MGRN1: variants seen among roughly 807,000 people sequenced by gnomAD.
MGRN1 encodes the protein mahogunin ring finger 1, also known as E3 ubiquitin-protein ligase MGRN1.
MGRN1 carries 29 observed loss-of-function variants against 69.2 expected under a neutral mutation model. The observed-to-expected ratio is 0.42, with a 90% confidence interval of 0.31 to 0.57. The LOEUF (loss-of-function observed/expected upper bound fraction) is 0.57, where lower values mean the gene tolerates loss of function less well. Among genes scored for constraint, MGRN1 ranks in the 20% least tolerant of loss-of-function variants. The pLI is 0.15. For synonymous variants in MGRN1, 470 were observed against 344.2 expected (o/e 1.37, Z -4.04); for missense variants, 998 against 796.2 (o/e 1.25, Z -3.05).
intron 7 of MGRN1, among the ~76,000 whole-genome samples, chr16:4,665,573 T>A (rs763965743): frequency 6.6e-6 from 1 of 151,898 alleles, no homozygotes; most frequent in Non-Finnish European, 1.5e-5. Flanking sequence ...TTCATCATGT[T>A]GGCCAGACTG....
At position 4,677,468 on chromosome 16, in the gene MGRN1, C is replaced by T. The variant is rs761920721; in HGVS notation, c.961C>T (p.Arg321Trp). 4.5e-6 allele frequency: 7 copies of T among 1,555,450 alleles called. No homozygotes were observed. The highest frequency in any genetic ancestry group is 1.2e-5 in the South Asian group (1 of 86,800). The change falls in exon 11 of 17, where the codon CGG becomes TGG. Residue 321 changes from arginine to tryptophan, a missense_variant. Arg to Trp is a moderately radical substitution (Grantham distance 101). Transcript: ENST00000262370. ...GAGCCCTCCTTCTGCCGCAGCTTTC[C>T]GGGCCCTCCTGCAGATCCGGGCGGT... ...NNCPICRLPF[R>W]ALLQIRAVRK...
Position 4,624,933 on chromosome 16 carries a change from G to A in MGRN1, c.-28G>A. On this transcript the variant is annotated 5_prime_UTR_variant, in exon 1 of 17. Coordinates refer to ENST00000262370, the MANE Select transcript of MGRN1 (RefSeq NM_015246.4). ...TGTCGCCGCTCCCGTTCCGGCCCTG[G>A]CCCCTCTGCCCGGCAGCGCCGCGCA... 1 of 1,514,252 alleles carries A rather than the reference G, an allele frequency of 6.6e-7. No individual in the cohort carries two copies. The allele number at this position is 1,514,252 out of a possible 1,614,324, so 93.8% of individuals were successfully genotyped here.
intron 8 of MGRN1, 67 bp downstream of exon 8, chr16:4,668,379 A>G (rs1461178291): frequency 7.2e-6 from 11 of 1,524,798 alleles, no homozygotes; most frequent in Admixed American, 1.7e-5. Flanking sequence ...ACTCACACGC[A>G]TACTCATACA....
At chr16:4,672,992 C>T (rs569056568) in intron 9 of MGRN1, among the ~76,000 whole-genome samples, 7 of 152,138 alleles carry the variant, frequency 4.6e-5, no homozygotes, top group Admixed American at 6.5e-5. Flanking sequence ...GCACGTGCCA[C>T]CATGCCCGGC....
chr16:4,688,319 C>T (rs1596324225), intron 16 of MGRN1: 5 of 987,822 alleles, frequency 5.1e-6, no homozygotes, highest in Non-Finnish European at 6.0e-6. Flanking sequence ...AGGCTCCTCT[C>T]TTTGCCTTGC....
At chr16:4,655,170 G>T (rs994554506) in intron 4 of MGRN1, among the ~76,000 whole-genome samples, 1 of 152,180 alleles carries the variant, frequency 6.6e-6, no homozygotes, top group African/African-American at 2.4e-5. Context: ...GTGGCGAGGT[G>T]TCCAGGGGCT....
intron 7 of MGRN1, among the ~76,000 whole-genome samples, chr16:4,666,637 A>G (rs1350061351): frequency 2.0e-5 from 3 of 152,158 alleles, no homozygotes; most frequent in Non-Finnish European, 2.9e-5. Flanking sequence ...TTTTCCTACC[A>G]GGCTCAGTGT....
At position 4,662,103 on chromosome 16, in the gene MGRN1, TCTC is replaced by T. The variant is rs1173114371; in HGVS notation, c.562-2603_562-2601del. On this transcript the variant is annotated intron_variant, in intron 5 of 16. Transcript: ENST00000262370. ...ACACTGATGTTTGTCCCCGTCCCCT[TCTC>T]CTGACTGCTGTCTGTGGTCCGCTGT... is the stretch of plus-strand genomic sequence containing the variant. Among the ~76,000 whole-genome samples the T allele has an allele frequency of 5.3e-5, 8 of 152,240 alleles. No homozygotes were observed. In the South Asian group the frequency reaches 1.5e-3, roughly 28 times the overall value.
intron 11 of MGRN1, among the ~76,000 whole-genome samples, chr16:4,678,544 C>G (rs564600086): frequency 2.0e-5 from 3 of 148,802 alleles, no homozygotes; most frequent in Admixed American, 6.6e-5. Context: ...GACGGAGAGA[C>G]AGATGTGGAG....
intron 1 of MGRN1, among the ~76,000 whole-genome samples, chr16:4,632,201 G>T (rs1366865159): frequency 6.6e-4 from 1 of 1,520 alleles, no homozygotes; most frequent in Non-Finnish European, 0.024. Flanking sequence ...ATTTTTAGTA[G>T]AGATGGGTTT....
At chr16:4,680,283 G>A in intron 12 of MGRN1, 186 bp downstream of exon 12, 1 of 604,632 alleles carries the variant, frequency 1.7e-6, no homozygotes, top group South Asian at 2.1e-5. Flanking sequence ...TCGGTCCGTG[G>A]GCGAAACGCC....
chr16:4,633,808 C>T (rs1002782910), intron 1 of MGRN1: 5 of 151,990 alleles, frequency 3.3e-5, no homozygotes, highest in African/African-American at 1.2e-4. Flanking sequence ...AGCTCTGCCT[C>T]CCGGGTTCAC....
intron 6 of MGRN1, 87 bp downstream of exon 6, chr16:4,664,862 T>A: frequency 6.5e-7 from 1 of 1,543,554 alleles, no homozygotes; most frequent in Non-Finnish European, 8.9e-7. Flanking sequence ...GCAGCAGTGA[T>A]GAAGCAGGCC....
At chr16:4,657,785 G>T (rs112782450) in intron 5 of MGRN1, among the ~76,000 whole-genome samples, 1 of 117,312 alleles carries the variant, frequency 8.5e-6, no homozygotes, top group African/African-American at 3.4e-5. Context: ...TCGCTCTGTC[G>T]CCCAGGCTGC....
intron 13 of MGRN1, 84 bp from the exon 14 acceptor site, chr16:4,682,739 C>G: frequency 7.1e-7 from 1 of 1,408,546 alleles, no homozygotes; most frequent in Non-Finnish European, 9.4e-7. Context: ...GCAGGGGCCC[C>G]CAGGTGCCCT....
chr16:4,650,204 G>A (rs1054632857), intron 1 of MGRN1, 161 bp from the exon 2 acceptor site: 9 of 554,834 alleles, frequency 1.6e-5, no homozygotes, highest in Middle Eastern at 1.0e-3. Flanking sequence ...TCGGGAGGCT[G>A]AGGCAGAAGA....
chr16:4,637,488 T>C (rs1040194601), intron 1 of MGRN1, among the ~76,000 whole-genome samples: 8 of 152,212 alleles, frequency 5.3e-5, no homozygotes, highest in African/African-American at 1.9e-4. Flanking sequence ...ATAGGAGCTC[T>C]TTCCTAAGTG....
At chr16:4,686,351 G>T (rs868391007) in intron 16 of MGRN1, 2 of 1,535,980 alleles carry the variant, frequency 1.3e-6, no homozygotes, top group Non-Finnish European at 1.7e-6. Context: ...GCGCGTCCTT[G>T]GAGAGAGGAG....
In MGRN1 at chr16:4,659,889, C is replaced by T. The variant is rs988294301; in HGVS notation, c.561+2526C>T. ...TCTCTGTGGCTTAGCCTCCCATCTC[C>T]CTCAGCTGGCCCTGCTCCAGCGCGT... is the stretch of plus-strand genomic sequence containing the variant. On this transcript the variant is annotated intron_variant, in intron 5 of 16. Transcript: ENST00000262370. Among the ~76,000 whole-genome samples, 11 of 152,124 alleles carry T rather than the reference C, an allele frequency of 7.2e-5. No individual in the cohort carries two copies. The East Asian group carries it at 1.7e-3, about 24-fold the overall frequency.
Sources: allele counts gnomAD v4.1 joint callset (sites outside exome capture counted in the v4.1 genomes callset), GRCh38; gene constraint gnomAD v4.1.1; transcripts MANE v1.5; gene names NCBI Gene and HGNC (gene_info 2026-07-23, HGNC 2026-07-21).